PPM1F: variants seen among roughly 807,000 people sequenced by gnomAD.
The protein encoded by PPM1F is protein phosphatase, Mg2+/Mn2+ dependent 1F.
PPM1F carries 17 observed loss-of-function variants against 35.5 expected under a neutral mutation model. That is an observed-to-expected ratio of 0.48 (90% CI 0.33 to 0.72). PPM1F has a LOEUF of 0.72. Among genes scored for constraint, PPM1F ranks in the 30% least tolerant of loss-of-function variants. The pLI, the probability that PPM1F is intolerant of heterozygous loss-of-function variation, is 0.02. For synonymous variants in PPM1F, 241 were observed against 255.5 expected (o/e 0.94, Z 0.54); for missense variants, 521 against 613.0 (o/e 0.85, Z 1.59).
chr22:21,931,392 T>C (rs1178745445), intron 5 of PPM1F, 101 bp from the exon 6 acceptor site: 3 of 1,199,878 alleles, frequency 2.5e-6, no homozygotes, highest in Non-Finnish European at 2.3e-6. Flanking sequence ...ATACTTCCGT[T>C]ACTGTGGTGA....
chr22:21,934,428 G>A (rs1316874181), intron 3 of PPM1F: 2 of 564,384 alleles, frequency 3.5e-6, no homozygotes, highest in Non-Finnish European at 6.3e-6. Flanking sequence ...GCCCCTTGAA[G>A]TCTCCCATCC....
In PPM1F at chr22:21,931,108, G is replaced by A. The variant is rs145544491; in HGVS notation, c.891+40C>T. 74 of 1,610,006 alleles carry A rather than the reference G, an allele frequency of 4.6e-5. No homozygotes were observed. In the East Asian group the frequency reaches 8.3e-4, roughly 18 times the overall value. On this transcript the variant is annotated intron_variant, in intron 6 of 7. Transcript: ENST00000263212. ...CCCCTATGGGCCCAGCATGATGGAG[G>A]CCAGGAATATCCTGGGCCTGGGCGC... is the stretch of plus-strand genomic sequence containing the variant.
Position 21,920,133 on chromosome 22 carries a change from A to G in PPM1F, c.*2959T>C, listed in dbSNP as rs1005460655. On this transcript the variant is annotated 3_prime_UTR_variant, in exon 8 of 8. Coordinates refer to ENST00000263212, the MANE Select transcript of PPM1F (RefSeq NM_014634.4). Reference sequence around the variant, plus strand: ...AGCTCCATTCTTCTCCAGCCCACTTAATTTTAAGAATAGACACTAATAAGA... The same window carrying G: ...AGCTCCATTCTTCTCCAGCCCACTTGATTTTAAGAATAGACACTAATAAGA... 7.2e-5 allele frequency: 11 copies of G among 152,230 alleles called. No individual in the cohort carries two copies. The highest frequency in any genetic ancestry group is 2.7e-4 in the African/African-American group (11 of 41,432). 9.4% of individuals were successfully genotyped at this position (152,230 alleles called of 1,614,324 possible).
chr22:21,942,268 ATT>A (rs574812447), intron 2 of PPM1F: 32 of 139,682 alleles, frequency 2.3e-4, no homozygotes, highest in Non-Finnish European at 3.0e-4. Flanking sequence ...TGGATTCCTG[ATT>A]TTTTTTTTTT....
chr22:21,931,164 T>C lies in PPM1F; in HGVS notation c.875A>G (p.His292Arg), dbSNP rs1469732067. 1 of 1,614,176 alleles carries C rather than the reference T, an allele frequency of 6.2e-7. No homozygotes were observed. Among genetic ancestry groups the C allele is most frequent in the South Asian group, 1.1e-5 (1 of 91,082 alleles). ...TCCCCTTACCTGCCGTTCTGGTCTG[T>C]GTGGCTCCATCAGCTTCACCACCTG... The part of the protein sequence containing the change: ...QGQVVKLMEP[H>R]RPERQDEKAR... Residue 292 changes from histidine to arginine, a missense_variant, in exon 6 of 8, where the codon CAC (histidine) becomes CGC (arginine). His to Arg is a conservative substitution (Grantham distance 29, BLOSUM62 0). Around this residue, in one of 3 missense-constraint regions of PPM1F, gnomAD observed 47 missense variants for 92.0 expected, o/e 0.51. Coordinates refer to ENST00000263212, the MANE Select transcript of PPM1F (RefSeq NM_014634.4).
chr22:21,946,165 G>A, intron 1 of PPM1F, 57 bp from the exon 2 acceptor site: 1 of 804,524 alleles, frequency 1.2e-6, no homozygotes, highest in Non-Finnish European at 1.9e-6. Flanking sequence ...AGCAATGCAG[G>A]TGCCCACCTG....
chr22:21,945,701 G>T, intron 2 of PPM1F, 142 bp downstream of exon 2: 1 of 790,930 alleles, frequency 1.3e-6, no homozygotes, highest in Non-Finnish European at 1.9e-6. Context: ...AGCCACGGGA[G>T]TTCCACATGG....
chr22:21,925,305 G>A (rs2070499009), intron 7 of PPM1F: 1 of 432,508 alleles, frequency 2.3e-6, no homozygotes, highest in South Asian at 7.1e-5. Flanking sequence ...ATAGGGTGGT[G>A]AGCCACAGGT....
rs11539568 is a variant in PPM1F at position 21,920,570 on chromosome 22, C to T, written c.*2522G>A. On this transcript the variant is annotated 3_prime_UTR_variant, in exon 8 of 8. Coordinates refer to ENST00000263212, the MANE Select transcript of PPM1F (RefSeq NM_014634.4). Reference sequence around the variant, plus strand: ...GGCTCCCTCGGCCCCAAGGCAAGGGCGGAGCAGCTCCCAGTGCTGGCACCA... The same window carrying T: ...GGCTCCCTCGGCCCCAAGGCAAGGGTGGAGCAGCTCCCAGTGCTGGCACCA... 0.1 allele frequency: 15,976 copies of T among 152,522 alleles called. 912 individuals are homozygous for T. The highest frequency in any genetic ancestry group is 0.12 in the Non-Finnish European group (8,242 of 68,212). The allele number at this position is 152,522 out of a possible 1,614,324, so 9.4% of individuals were successfully genotyped here.
intron 3 of PPM1F, chr22:21,934,974 C>A (rs2070642846): frequency 6.6e-6 from 1 of 151,986 alleles, no homozygotes; most frequent in Non-Finnish European, 1.5e-5. Context: ...TATGCAACTC[C>A]CATACGACCC....
chr22:21,937,886 G>C (rs2070677900), intron 3 of PPM1F: 1 of 329,716 alleles, frequency 3.0e-6, no homozygotes, highest in African/African-American at 2.3e-5. Context: ...CCAGTCACCG[G>C]GGAGGGGCTG....
chr22:21,939,314 G>T lies in PPM1F; in HGVS notation c.355+218C>A. The stretch of plus-strand genomic sequence containing the variant: ...TGTCTGCACCACCCACCCCTGCCTC[G>T]TGGGCTGACTGGGAACTATATGACC... On this transcript the variant is annotated intron_variant, in intron 3 of 7. Coordinates refer to ENST00000263212, the MANE Select transcript of PPM1F (RefSeq NM_014634.4). This position sits in a 1 kb window ranked among gnomAD's most constrained non-coding sequence, Gnocchi z 5.1. 3.3e-6 allele frequency: 2 copies of T among 606,380 alleles called. No individual in the cohort carries two copies. The highest frequency in any genetic ancestry group is 2.1e-5 in the South Asian group (1 of 48,772). The allele number at this position is 606,380 out of a possible 1,614,324, so 37.6% of individuals were successfully genotyped here.
At chr22:21,933,658 GGGTA>G (rs1189611594) in intron 4 of PPM1F, 79 bp from the exon 5 acceptor site, 6 of 1,327,026 alleles carry the variant, frequency 4.5e-6, no homozygotes, top group African/African-American at 1.4e-5. Context: ...GGCACTGATG[GGGTA>G]GAGTCTGGGA....
chr22:21,933,716 T>A, intron 4 of PPM1F, 137 bp from the exon 5 acceptor site: 2 of 811,140 alleles, frequency 2.5e-6, no homozygotes, highest in Non-Finnish European at 3.8e-6. Context: ...TATGAGGGGG[T>A]AGGTTTGGAA....
intron 1 of PPM1F, chr22:21,950,293 C>T (rs1176180844): frequency 2.6e-5 from 4 of 152,088 alleles, no homozygotes; most frequent in Admixed American, 6.6e-5. Context: ...TCTCTCAGAT[C>T]CTTTGAGGCT....
rs201217825 is a variant in PPM1F, at chr22:21,923,264, C to T, written c.1193G>A (p.Arg398Gln). 371 of 1,613,276 alleles carry T rather than the reference C, an allele frequency of 2.3e-4. No homozygotes were observed. Among genetic ancestry groups the T allele is most frequent in the South Asian group, 7.6e-4 (69 of 91,078 alleles). The change falls in exon 8 of 8, where the codon CGG becomes CAG. Residue 398 changes from arginine (R) to glutamine (Q), a missense_variant. Physicochemically the swap from Arg to Gln is conservative, Grantham distance 43. Coordinates refer to ENST00000263212, the MANE Select transcript of PPM1F (RefSeq NM_014634.4). ...RVAEELVAAA[R>Q]ERGSHDNITV... ...GATGTTGTCGTGGGAGCCCCGCTCC[C>T]GGGCCGCAGCCACCAGCTCCTCGGC... is the stretch of plus-strand genomic sequence containing the variant.
intron 6 of PPM1F, among the ~76,000 whole-genome samples, chr22:21,929,351 C>G (rs1268270667): frequency 6.6e-6 from 1 of 152,204 alleles, no homozygotes; most frequent in Non-Finnish European, 1.5e-5. Flanking sequence ...TGTGCAAGCT[C>G]TGATCTCTGT....
intron 5 of PPM1F, among the ~76,000 whole-genome samples, chr22:21,931,900 T>C (rs1319280408): frequency 1.3e-5 from 2 of 150,826 alleles, no homozygotes; most frequent in Non-Finnish European, 3.0e-5. Context: ...GCAACTTCCA[T>C]CTCCTGGGCT....
intron 6 of PPM1F, among the ~76,000 whole-genome samples, chr22:21,930,179 GCTT>G (rs1156439556): frequency 6.6e-6 from 1 of 152,188 alleles, no homozygotes; most frequent in Non-Finnish European, 1.5e-5. Context: ...CCCAAGACAG[GCTT>G]CTTACCTGAC....
Sources: allele counts gnomAD v4.1 joint callset (sites outside exome capture counted in the v4.1 genomes callset), GRCh38; gene constraint gnomAD v4.1.1; regional missense constraint gnomAD v4.1.1; non-coding constraint Gnocchi (gnomAD v3.1); transcripts MANE v1.5; gene names NCBI Gene and HGNC (gene_info 2026-07-23, HGNC 2026-07-21).